Variants in PDE4B observed in about 807,000 individuals in gnomAD.
PDE4B encodes 3',5'-cyclic-AMP phosphodiesterase 4B.
Under a neutral mutation model 82.2 loss-of-function variants are expected in PDE4B, and 20 were observed. The observed-to-expected ratio is 0.24, with a 90% confidence interval of 0.17 to 0.35. PDE4B has a LOEUF of 0.35. PDE4B is among the 10% of genes least tolerant of loss of function. The pLI is 1.00. For missense variants in PDE4B, 655 were observed against 907.2 expected, an observed-to-expected ratio of 0.72 and a Z score of 3.57; for synonymous variants, 320 against 318.9, an observed-to-expected ratio of 1.00 and a Z score of -0.04.
chr1:65,851,979 A>G (rs1451096262), intron 1 of PDE4B, among the ~76,000 whole-genome samples: 1 of 151,994 alleles, frequency 6.6e-6, no homozygotes, highest in Non-Finnish European at 1.5e-5. Context: ...ATCTACTGAG[A>G]TGAATGTGTT....
intron 1 of PDE4B, among the ~76,000 whole-genome samples, chr1:65,869,003 A>G (rs1334118068): frequency 6.6e-6 from 1 of 152,194 alleles, no homozygotes; most frequent in East Asian, 1.9e-4. Flanking sequence ...CCACTGCCCT[A>G]TAGGGAATAC....
At chr1:66,178,944 G>A (rs1048396653) in intron 3 of PDE4B, among the ~76,000 whole-genome samples, 15 of 152,026 alleles carry the variant, frequency 9.9e-5, no homozygotes, top group Non-Finnish European at 1.9e-4. Flanking sequence ...CTCCACCTCC[G>A]GGTTCAAGCT....
rs1648402926 is a variant in PDE4B at position 65,940,777 on chromosome 1, G to A, written c.281+21942G>A. Among the ~76,000 whole-genome samples, 3 of 152,066 alleles carry A rather than the reference G, an allele frequency of 2.0e-5. No homozygotes were observed. In the South Asian group the frequency reaches 6.2e-4, roughly 32 times the overall value. ...AAACCAAAAGATCAATTTTGGACAA[G>A]TATAAAAGTGTTGATGGCTATAGGA... is the stretch of plus-strand genomic sequence containing the variant. On this transcript the variant is annotated intron_variant, in intron 3 of 16. Transcript: ENST00000341517.
intron 3 of PDE4B, among the ~76,000 whole-genome samples, chr1:66,241,857 A>G (rs1472649176): frequency 1.3e-5 from 2 of 152,202 alleles, no homozygotes; most frequent in African/African-American, 2.4e-5. Flanking sequence ...TCCCTTTAAG[A>G]GCTCCACTGA....
At chr1:65,963,214 G>A (rs1649636176) in intron 3 of PDE4B, among the ~76,000 whole-genome samples, 2 of 152,110 alleles carry the variant, frequency 1.3e-5, no homozygotes, top group Admixed American at 1.3e-4. Context: ...TGGGTTTTGT[G>A]AGTTTATTTG....
intron 7 of PDE4B, among the ~76,000 whole-genome samples, chr1:66,308,057 C>T (rs1570664797): frequency 1.3e-5 from 2 of 152,080 alleles, no homozygotes; most frequent in Admixed American, 1.3e-4. Flanking sequence ...AGATAGAGAT[C>T]CTGAAACTAA....
intron 7 of PDE4B, among the ~76,000 whole-genome samples, chr1:66,294,489 T>C (rs932023298): frequency 2.4e-4 from 36 of 152,172 alleles, no homozygotes; most frequent in African/African-American, 8.4e-4. Context: ...CTAAAGTCAG[T>C]CTTCACTATC....
chr1:65,857,721 G>C (rs978350252), intron 1 of PDE4B, among the ~76,000 whole-genome samples: 1 of 152,056 alleles, frequency 6.6e-6, no homozygotes, highest in Non-Finnish European at 1.5e-5. Flanking sequence ...TAACATCTCT[G>C]TTGCCAAAAA....
At chr1:65,822,335 C>T (rs962437306) in intron 1 of PDE4B, among the ~76,000 whole-genome samples, 2 of 152,134 alleles carry the variant, frequency 1.3e-5, no homozygotes, top group African/African-American at 4.8e-5. Context: ...GCCAGGTGCA[C>T]ATCTTTAGTG....
At chr1:66,130,642 G>T (rs1214327563) in intron 3 of PDE4B, among the ~76,000 whole-genome samples, 1 of 152,118 alleles carries the variant, frequency 6.6e-6, no homozygotes, top group Non-Finnish European at 1.5e-5. Context: ...GGTCCTTCCT[G>T]GGGGCAGCCT....
chr1:65,958,748 ACG>A (rs771789001), intron 3 of PDE4B, among the ~76,000 whole-genome samples: 1,797 of 135,938 alleles, frequency 0.013, 34 homozygotes, highest in African/African-American at 0.043. Flanking sequence ...ACACACACAC[ACG>A]CGCGCGCGCG....
intron 1 of PDE4B, among the ~76,000 whole-genome samples, chr1:65,872,497 A>G (rs1646584887): frequency 1.3e-5 from 2 of 152,198 alleles, no homozygotes; most frequent in African/African-American, 4.8e-5. Flanking sequence ...CTTAGAACTT[A>G]GATCAAAGAG....
chr1:65,815,665 T>C (rs6683810), intron 1 of PDE4B, among the ~76,000 whole-genome samples: 152,267 of 152,302 alleles, frequency 1, 76,116 homozygotes, highest in Non-Finnish European at 1. Flanking sequence ...GGAGTTTCTG[T>C]TCAATAAAAT....
At chr1:66,344,608 C>T (rs952077236) in intron 8 of PDE4B, among the ~76,000 whole-genome samples, 9 of 152,122 alleles carry the variant, frequency 5.9e-5, no homozygotes, top group Non-Finnish European at 8.8e-5. Flanking sequence ...AATAGAAGAA[C>T]TTTGTCAAAA....
chr1:66,183,582 A>G (rs1379958122), intron 3 of PDE4B, among the ~76,000 whole-genome samples: 3 of 152,182 alleles, frequency 2.0e-5, no homozygotes, highest in East Asian at 1.9e-4. Context: ...CTGAATCTGT[A>G]TAGCACTTTA....
chr1:66,054,901 C>A (rs1243015151), intron 3 of PDE4B, among the ~76,000 whole-genome samples: 2 of 152,104 alleles, frequency 1.3e-5, no homozygotes, highest in Non-Finnish European at 2.9e-5. Flanking sequence ...TTCATGACAT[C>A]TTCCTATAAT....
At chr1:66,205,249 T>TTCTAC (rs1649453929) in intron 3 of PDE4B, among the ~76,000 whole-genome samples, 1 of 152,186 alleles carries the variant, frequency 6.6e-6, no homozygotes, top group South Asian at 2.1e-4. Flanking sequence ...ACATAGTTGC[T>TTCTAC]TCTACTCTAC....
At chr1:66,235,087 A>G (rs1455230529) in intron 3 of PDE4B, among the ~76,000 whole-genome samples, 2 of 152,168 alleles carry the variant, frequency 1.3e-5, no homozygotes, top group Admixed American at 6.5e-5. Context: ...TTTGATTTCT[A>G]GTTTAATTCC....
intron 1 of PDE4B, among the ~76,000 whole-genome samples, chr1:65,796,342 G>T (rs1257750452): frequency 6.6e-6 from 1 of 152,096 alleles, no homozygotes; most frequent in Non-Finnish European, 1.5e-5. Context: ...CTGCTTCTGT[G>T]ACTCTGATGA....
Sources: gnomAD v4.1 joint callset for allele counts (sites outside exome capture counted in the v4.1 genomes callset) on GRCh38, gnomAD v4.1.1 for gene constraint, MANE v1.5 for transcripts, NCBI Gene and HGNC (gene_info 2026-07-23, HGNC 2026-07-21) for gene names.